ZNF263: variants seen among roughly 807,000 people sequenced by gnomAD.
ZNF263 encodes zinc finger protein 263.
In ZNF263, 49 loss-of-function variants were observed where a neutral mutation model predicts 63.1. The ratio of observed to expected loss-of-function variants is 0.78; its 90% CI spans 0.62 to 0.99. The LOEUF (loss-of-function observed/expected upper bound fraction) is 0.99, where lower values mean the gene tolerates loss of function less well. ZNF263 is among the 50% of genes least tolerant of loss of function. The probability of loss-of-function intolerance (pLI) is 0.00; values close to 1 mark genes in which losing one functional copy is unlikely to be tolerated. For missense variants in ZNF263, 872 were observed against 854.8 expected (o/e 1.02, Z -0.25); for synonymous variants, 352 against 324.2 (o/e 1.09, Z -0.92).
chr16:3,284,274 G>A, intron 1 of ZNF263, 69 bp downstream of exon 1: 1 of 1,445,562 alleles, frequency 6.9e-7, no homozygotes, highest in Non-Finnish European at 9.1e-7. Context: ...TTGCGCCCCC[G>A]GTCGAATTCA....
Position 3,291,072 on chromosome 16 carries a change from C to T in ZNF263, c.*514C>T. ...TGTCCCGAAGGCCCCAGTTGGGAAG[C>T]CATGGGCAGTCCAGATCAAGCCACC... On this transcript the variant is annotated 3_prime_UTR_variant, in exon 6 of 6. Transcript: ENST00000219069. 1 of 993,438 alleles carries T rather than the reference C, an allele frequency of 1.0e-6. No individual in the cohort carries two copies. Among genetic ancestry groups the T allele is most frequent in the South Asian group, 4.4e-5 (1 of 22,528 alleles). 61.5% of individuals were successfully genotyped at this position (993,438 alleles called of 1,614,324 possible). A position where few individuals can be genotyped will look rare whatever the true frequency, so the allele number is the denominator to read the frequency against.
intron 2 of ZNF263, chr16:3,300,731 T>C (rs1041890865): frequency 1.4e-6 from 2 of 1,455,516 alleles, no homozygotes; most frequent in Admixed American, 2.8e-5. Flanking sequence ...CCAGAAGGCA[T>C]GGGCATTGTA....
In ZNF263 at chr16:3,289,480, G is replaced by A. The variant is rs79713839; in HGVS notation, c.974G>A (p.Arg325Gln). The change falls in exon 6 of 6, where the codon CGA (arginine) becomes CAA (glutamine). Residue 325 changes from arginine (R) to glutamine (Q), a missense_variant. Physicochemically the swap from Arg to Gln is conservative, Grantham distance 43. Transcript: ENST00000219069. ...HPQVLLPDQARGEVPWSPELG... is the reference protein window; with the variant it reads ...HPQVLLPDQAQGEVPWSPELG... ...CAGGTGCTGCTTCCTGACCAGGCCC[G>A]AGGGGAGGTGCCCTGGAGTCCTGAG... The A allele has an allele frequency of 5.8e-4, 893 of 1,548,568 alleles. 10 individuals carry two copies. In the East Asian group the frequency reaches 0.018, roughly 32 times the overall value.
chr16:3,297,140 TA>T (rs973385418), intron 1 of ZNF263, among the ~76,000 whole-genome samples: 1 of 151,790 alleles, frequency 6.6e-6, no homozygotes, highest in African/African-American at 2.4e-5. Flanking sequence ...TCGTCTCTAC[TA>T]AAAATACAAG....
At position 3,289,496 on chromosome 16, in the gene ZNF263, G is replaced by A; in HGVS notation, c.990G>A (p.Trp330Ter). Residue 330 changes from tryptophan (W) to a stop codon, truncating the protein, a stop_gained, in exon 6 of 6, where the codon TGG becomes TGA. Coordinates refer to ENST00000219069, the MANE Select transcript of ZNF263 (RefSeq NM_005741.5). LOFTEE classifies it high-confidence loss of function. ...LPDQARGEVP[W>*]SPELGRPHDR... ...ACCAGGCCCGAGGGGAGGTGCCCTG[G>A]AGTCCTGAGCTGGGAAGACCTCATG... is the stretch of plus-strand genomic sequence containing the variant. 6.4e-7 allele frequency: 1 copy of A among 1,560,730 alleles called. No individual in the cohort carries two copies. The highest frequency in any genetic ancestry group is 8.7e-7 in the Non-Finnish European group (1 of 1,154,162).
rs1283728938 is a variant in ZNF263, at chr16:3,285,129, C to A, written c.458C>A (p.Ser153Ter). The A allele has an allele frequency of 6.2e-7, 1 of 1,614,168 alleles. No individual in the cohort carries two copies. The highest frequency in any genetic ancestry group is 2.2e-5 in the East Asian group (1 of 44,882). Residue 153 changes from serine to a stop codon, truncating the protein, a stop_gained, in exon 2 of 6, where the codon TCA becomes TAA. Coordinates refer to ENST00000219069, the MANE Select transcript of ZNF263 (RefSeq NM_005741.5). LOFTEE classifies it high-confidence loss of function. Reference protein sequence around the residue: ...EPLPLETARESPSFKLEPMET... With the variant: ...EPLPLETARE ...TTGCCTCTGGAAACAGCACGAGAGT[C>A]ACCGAGCTTCAAGCTGGAGCCAATG...
In ZNF263 at chr16:3,284,042, G is replaced by C; in HGVS notation, c.224G>C (p.Arg75Pro). 6.2e-7 allele frequency: 1 copy of C among 1,613,768 alleles called. No individual in the cohort carries two copies. The highest frequency in any genetic ancestry group is 8.5e-7 in the Non-Finnish European group (1 of 1,179,844). Residue 75 changes from arginine to proline, a missense_variant, in exon 1 of 6, where the codon CGC becomes CCC. Transcript: ENST00000219069. ...LCHGWLRPEM[R>P]TKEQILELLV... ...CATGGGTGGCTTCGGCCTGAGATGC[G>C]CACGAAGGAGCAGATCTTGGAGCTG...
rs749446313 is a variant in ZNF263, at chr16:3,284,149, G to A, written c.331G>A (p.Glu111Lys). ...VQELHPESGE[E>K]AVTLVEDMQR... ...GGAGCTGCATCCGGAGAGCGGCGAA[G>A]AAGCGGTGACCCTTGTGGAGGATAT... The change falls in exon 1 of 6, where the codon GAA becomes AAA. Residue 111 changes from glutamate (E) to lysine (K), a missense_variant. Coordinates refer to ENST00000219069, the MANE Select transcript of ZNF263 (RefSeq NM_005741.5). 4.4e-6 allele frequency: 7 copies of A among 1,599,364 alleles called. No homozygotes were observed. The South Asian group carries it at 7.8e-5, about 18-fold the overall frequency.
At chr16:3,284,291 T>C in intron 1 of ZNF263, 86 bp downstream of exon 1, 1 of 1,451,918 alleles carries the variant, frequency 6.9e-7, no homozygotes, top group Non-Finnish European at 9.1e-7. Flanking sequence ...TTCAAGTAAA[T>C]TGCCCTGAGT....
chr16:3,290,793 T>A lies in ZNF263; in HGVS notation c.*235T>A. 7.6e-7 allele frequency: 1 copy of A among 1,320,226 alleles called. No individual in the cohort carries two copies. Among genetic ancestry groups the A allele is most frequent in the Non-Finnish European group, 9.7e-7 (1 of 1,036,190 alleles). The allele number at this position is 1,320,226 out of a possible 1,614,324, so 81.8% of individuals were successfully genotyped here. ...GAGGTGACCTCAGGGTGGAATTCTC[T>A]GTTAAGTCCACCCTGCCCCAGGGTG... On this transcript the variant is annotated 3_prime_UTR_variant, in exon 6 of 6. Transcript: ENST00000219069.
intron 1 of ZNF263, among the ~76,000 whole-genome samples, chr16:3,296,997 G>C (rs1002746808): frequency 6.6e-6 from 1 of 152,118 alleles, no homozygotes; most frequent in Non-Finnish European, 1.5e-5. Context: ...TGGAAAGTGG[G>C]CATTTGCTTT....
chr16:3,291,264 A>G lies in ZNF263; in HGVS notation c.*706A>G, dbSNP rs1959603779. ...AGGTGTCTGATAACCCTTTGTGGAG[A>G]ATGAGATTCCCCCCACCTGTGTGAG... is the stretch of plus-strand genomic sequence containing the variant. On this transcript the variant is annotated 3_prime_UTR_variant, in exon 6 of 6. Coordinates refer to ENST00000219069, the MANE Select transcript of ZNF263 (RefSeq NM_005741.5). The G allele has an allele frequency of 5.1e-6, 5 of 985,214 alleles. No homozygotes were observed. Among genetic ancestry groups the G allele is most frequent in the Admixed American group, 6.2e-5 (1 of 16,256 alleles). The allele number at this position is 985,214 out of a possible 1,614,324, so 61.0% of individuals were successfully genotyped here. A position where few individuals can be genotyped will look rare whatever the true frequency, so the allele number is the denominator to read the frequency against.
At chr16:3,288,378 C>T in intron 4 of ZNF263, 76 bp from the exon 5 acceptor site, 1 of 1,027,008 alleles carries the variant, frequency 9.7e-7, no homozygotes, top group Non-Finnish European at 1.5e-6. Context: ...CCACTGAGGG[C>T]AGGGAACAAG....
chr16:3,297,075 CAGGCGGATCACG>C lies in ZNF263; in HGVS notation c.152-2027_152-2016del, dbSNP rs200248269. On this transcript the variant is annotated intron_variant, in intron 1 of 2. Transcript: ENST00000574674. ...ATCGCAGCACTTTGGGAGGCTGAGG[CAGGCGGATCACG>C]AGGTCAGGAGTTCAAGACCAACCTG... 1.6e-4 allele frequency among the ~76,000 whole-genome samples: 25 copies of C among 152,160 alleles called. No homozygotes were observed. In the East Asian group the frequency reaches 4.7e-3, roughly 28 times the overall value.
At chr16:3,284,322 G>A in intron 1 of ZNF263, 117 bp downstream of exon 1, 1 of 1,373,922 alleles carries the variant, frequency 7.3e-7, no homozygotes, top group Non-Finnish European at 9.5e-7. Flanking sequence ...TGGGGAAGAG[G>A]ACTTGTGATT....
downstream of ZNF263, among the ~76,000 whole-genome samples, chr16:3,291,873 TA>T (rs916863638): frequency 2.8e-4 from 42 of 152,224 alleles, no homozygotes; most frequent in African/African-American, 9.9e-4. Context: ...GGTCCCAGTA[TA>T]ACTGAGTTAT....
At chr16:3,284,898 A>T (rs542404551) in intron 1 of ZNF263, among the ~76,000 whole-genome samples, 161 bp from the exon 2 acceptor site, 1 of 152,304 alleles carries the variant, frequency 6.6e-6, no homozygotes, top group South Asian at 2.1e-4. Flanking sequence ...CCCCCTGCAC[A>T]TGGGATCAAA....
At chr16:3,284,304 A>G in intron 1 of ZNF263, 99 bp downstream of exon 1, 1 of 1,412,176 alleles carries the variant, frequency 7.1e-7, no homozygotes. Flanking sequence ...CCCTGAGTAG[A>G]CCTTACGTGG....
chr16:3,299,319 A>C (rs1211522068), intron 2 of ZNF263: 1 of 1,601,202 alleles, frequency 6.2e-7, no homozygotes, highest in Admixed American at 1.7e-5. Flanking sequence ...CATCCAACTT[A>C]GTTTCCAACT....
Sources: allele counts gnomAD v4.1 joint callset (sites outside exome capture counted in the v4.1 genomes callset), GRCh38; gene constraint gnomAD v4.1.1; transcripts MANE v1.5; gene names NCBI Gene and HGNC (gene_info 2026-07-23, HGNC 2026-07-21).